The following AKT3 variants were observed in gnomAD, a reference collection of about 807,000 sequenced individuals.
AKT3 encodes AKT serine/threonine kinase 3, also known as RAC-gamma serine/threonine-protein kinase.
AKT3 carries 15 observed loss-of-function variants against 65.3 expected under a neutral mutation model. That is an observed-to-expected ratio of 0.23 (90% CI 0.15 to 0.35). The LOEUF (loss-of-function observed/expected upper bound fraction) is 0.35. AKT3 is among the 10% of genes least tolerant of loss of function. The probability of loss-of-function intolerance (pLI) is 1.00; values close to 1 mark genes in which losing one functional copy is unlikely to be tolerated. For missense variants in AKT3, 243 were observed against 576.5 expected (o/e 0.42, Z 5.92); for synonymous variants, 206 against 183.8 (o/e 1.12, Z -0.98).
At chr1:243,663,588 T>C (rs1682550138) in intron 4 of AKT3, among the ~76,000 whole-genome samples, 1 of 152,116 alleles carries the variant, frequency 6.6e-6, no homozygotes, top group African/African-American at 2.4e-5. Context: ...AAAGAAAATA[T>C]TATCAGTGCT....
intron 8 of AKT3, among the ~76,000 whole-genome samples, chr1:243,589,306 C>CAAAAAAAAAAAAA (rs758254217): frequency 4.4e-4 from 18 of 40,776 alleles, no homozygotes; most frequent in African/African-American, 5.7e-4. Flanking sequence ...AACTCCATCT[C>CAAAAAAAAAAAAA]AAAAAAAAAA....
At chr1:243,747,327 T>G (rs887136047) in intron 2 of AKT3, among the ~76,000 whole-genome samples, 1 of 152,226 alleles carries the variant, frequency 6.6e-6, no homozygotes, top group East Asian at 1.9e-4. Flanking sequence ...TACGGCAAAG[T>G]GAATTTGAGA....
At chr1:243,722,623 A>G (rs938420261) in intron 2 of AKT3, among the ~76,000 whole-genome samples, 1 of 152,196 alleles carries the variant, frequency 6.6e-6, no homozygotes, top group Admixed American at 6.5e-5. Context: ...ATTCTAAACT[A>G]GAGAACCCTG....
intron 11 of AKT3, among the ~76,000 whole-genome samples, chr1:243,549,626 A>G (rs776686395): frequency 1.4e-4 from 22 of 151,728 alleles, no homozygotes; most frequent in Non-Finnish European, 2.2e-4. Context: ...GAATCTTGCT[A>G]TGTGCCCAGG....
chr1:243,789,265 G>A (rs1270107709), intron 2 of AKT3, among the ~76,000 whole-genome samples: 2 of 152,272 alleles, frequency 1.3e-5, no homozygotes, highest in African/African-American at 4.8e-5. Context: ...GTGTGACTGT[G>A]GTCCTAGCTA....
intron 4 of AKT3, among the ~76,000 whole-genome samples, chr1:243,653,850 G>A (rs983814443): frequency 1.3e-5 from 2 of 151,884 alleles, no homozygotes; most frequent in Non-Finnish European, 2.9e-5. Context: ...GATATAATAC[G>A]GCAATCCATT....
intron 6 of AKT3, among the ~76,000 whole-genome samples, chr1:243,616,143 G>A (rs1427250007): frequency 1.3e-5 from 2 of 151,234 alleles, no homozygotes; most frequent in Non-Finnish European, 2.9e-5. Flanking sequence ...AGATTTTGGT[G>A]CACCCATCAC....
intron 1 of AKT3, among the ~76,000 whole-genome samples, chr1:243,845,187 C>A (rs1212451241): frequency 1.3e-5 from 2 of 151,904 alleles, no homozygotes; most frequent in Non-Finnish European, 2.9e-5. Flanking sequence ...ATTCTCTAGA[C>A]AGCCTGACTA....
At chr1:243,765,915 C>T (rs918862943) in intron 2 of AKT3, among the ~76,000 whole-genome samples, 1 of 152,136 alleles carries the variant, frequency 6.6e-6, no homozygotes, top group African/African-American at 2.4e-5. Context: ...CAGAAAAGGG[C>T]ACCTGTGAAT....
intron 10 of AKT3, among the ~76,000 whole-genome samples, chr1:243,558,805 A>G (rs933932391): frequency 6.6e-6 from 1 of 152,070 alleles, no homozygotes; most frequent in Admixed American, 6.6e-5. Flanking sequence ...AGCATGTGAA[A>G]AATAACTAAC....
intron 6 of AKT3, among the ~76,000 whole-genome samples, chr1:243,627,649 G>A (rs1679281389): frequency 6.6e-6 from 1 of 152,102 alleles, no homozygotes; most frequent in South Asian, 2.1e-4. Context: ...CAGGCTGGAG[G>A]ATAAATCCAG....
At chr1:243,629,024 C>A (rs1679393784) in intron 6 of AKT3, among the ~76,000 whole-genome samples, 1 of 152,188 alleles carries the variant, frequency 6.6e-6, no homozygotes, top group South Asian at 2.1e-4. Flanking sequence ...CGCCTGTAAT[C>A]CCAGCACTTT....
chr1:243,560,467 T>C (rs1227964515), intron 10 of AKT3, among the ~76,000 whole-genome samples: 2 of 152,130 alleles, frequency 1.3e-5, no homozygotes, highest in Non-Finnish European at 2.9e-5. Context: ...TGACACAACA[T>C]TTAAAATATA....
At chr1:243,816,265 A>T (rs551027266) in intron 2 of AKT3, among the ~76,000 whole-genome samples, 1 of 152,330 alleles carries the variant, frequency 6.6e-6, no homozygotes, top group East Asian at 1.9e-4. Flanking sequence ...TTGAACTAGC[A>T]TATCAACAGC....
chr1:243,618,651 T>C (rs999679708), intron 6 of AKT3, among the ~76,000 whole-genome samples: 4 of 152,214 alleles, frequency 2.6e-5, no homozygotes, highest in African/African-American at 7.2e-5. Context: ...CATGGTAAAA[T>C]AGTAAATAAT....
intron 9 of AKT3, among the ~76,000 whole-genome samples, chr1:243,566,037 A>T (rs747968427): frequency 1.2e-4 from 18 of 152,176 alleles, no homozygotes; most frequent in Non-Finnish European, 2.4e-4. Flanking sequence ...TAATGTGCCA[A>T]TACTCCTCAC....
intron 2 of AKT3, among the ~76,000 whole-genome samples, chr1:243,795,477 T>TG (rs1691928528): frequency 9.3e-6 from 1 of 107,042 alleles, no homozygotes; most frequent in Non-Finnish European, 2.0e-5. Context: ...TTTTTTTTGG[T>TG]TTTTTTTTTT....
Position 243,711,735 on chromosome 1 carries a change from T to A in AKT3, c.47-16019A>T, listed in dbSNP as rs774968649. On this transcript the variant is annotated intron_variant, in intron 2 of 13. Transcript: ENST00000673466. ...AGATCCTTGAATAGCAAGTATTGTT[T>A]CCTTCTTTCAAAAGATGAAGAAATT... Among the ~76,000 whole-genome samples, 3 of 152,258 alleles carry A rather than the reference T, an allele frequency of 2.0e-5. No homozygotes were observed. In the East Asian group the frequency reaches 5.8e-4, roughly 29 times the overall value.
chr1:243,619,217 T>C (rs1479420444), intron 6 of AKT3, among the ~76,000 whole-genome samples: 1 of 152,094 alleles, frequency 6.6e-6, no homozygotes. Flanking sequence ...AATGTTACTT[T>C]GGCACATGTT....
Sources: allele counts gnomAD v4.1 joint callset (sites outside exome capture counted in the v4.1 genomes callset), GRCh38; gene constraint gnomAD v4.1.1; transcripts MANE v1.5; gene names NCBI Gene and HGNC (gene_info 2026-07-23, HGNC 2026-07-21).